GPC3: variants seen among roughly 807,000 people sequenced by gnomAD.
GPC3 encodes the protein glypican 3.
GPC3 carries 3 observed loss-of-function variants against 34.4 expected under a neutral mutation model. That is an observed-to-expected ratio of 0.09 (90% CI 0.04 to 0.23). GPC3 has a LOEUF of 0.23. Among genes scored for constraint, GPC3 ranks in the 10% least tolerant of loss-of-function variants. The pLI is 1.00. For missense variants in GPC3, 351 were observed against 445.6 expected (o/e 0.79, Z 1.91); for synonymous variants, 177 against 174.0 (o/e 1.02, Z -0.13).
At chrX:133,932,317 C>G (rs1268794230) in intron 2 of GPC3, among the ~76,000 whole-genome samples, 1 of 112,190 alleles carries the variant, frequency 8.9e-6, no homozygotes, top group Non-Finnish European at 1.9e-5. Context: ...GTTTATTATA[C>G]TCAGTTGAAA....
At position 133,951,202 on chromosome X, in the gene GPC3, G is replaced by C. The variant is rs111627227; in HGVS notation, c.337+1848C>G. On this transcript the variant is annotated intron_variant, in intron 2 of 7. Transcript: ENST00000370818. ...ACTAGTATTCAGCCTCCAAGCTATA[G>C]CAGGCTTATCTGGAAGCTAATCCAA... Among the ~76,000 whole-genome samples the C allele has an allele frequency of 3.2e-3, 356 of 109,750 alleles. 2 individuals carry two copies. Among genetic ancestry groups the C allele is most frequent in the South Asian group, 0.015 (37 of 2,494 alleles).
chrX:133,901,690 C>T (rs1048372221), intron 2 of GPC3, among the ~76,000 whole-genome samples: 1 of 111,580 alleles, frequency 9.0e-6, no homozygotes, highest in Non-Finnish European at 1.9e-5. Flanking sequence ...CTGCCCGCCT[C>T]GGCCTCCCAA....
At chrX:133,572,063 A>G (rs925946699) in intron 7 of GPC3, among the ~76,000 whole-genome samples, 1 of 111,961 alleles carries the variant, frequency 8.9e-6, no homozygotes, top group African/African-American at 3.2e-5. Flanking sequence ...TGCACATGGA[A>G]CATTCCCCAA....
intron 2 of GPC3, among the ~76,000 whole-genome samples, chrX:133,951,955 G>A (rs1413345093): frequency 9.0e-6 from 1 of 111,325 alleles, no homozygotes; most frequent in Admixed American, 9.6e-5. Context: ...GCTTTGCAAT[G>A]TCAAGCAGTC....
intron 2 of GPC3, among the ~76,000 whole-genome samples, chrX:133,791,858 T>A (rs1171372654): frequency 6.1e-5 from 6 of 98,616 alleles, no homozygotes; most frequent in African/African-American, 2.3e-4. Flanking sequence ...CCTCCCTCCC[T>A]CCCTCTCTCT....
At chrX:133,850,209 TTTTTG>T in intron 2 of GPC3, among the ~76,000 whole-genome samples, 2 of 103,856 alleles carry the variant, frequency 1.9e-5, no homozygotes, top group African/African-American at 7.2e-5. Flanking sequence ...TTTTTTTTTT[TTTTTG>T]GTAAATAAAG....
At chrX:133,888,801 T>C (rs1366443846) in intron 2 of GPC3, among the ~76,000 whole-genome samples, 1 of 112,485 alleles carries the variant, frequency 8.9e-6, no homozygotes, top group Non-Finnish European at 1.9e-5. Context: ...GAACTATACA[T>C]GTTCATGTTG....
chrX:133,733,406 T>C (rs2071480739), intron 3 of GPC3, among the ~76,000 whole-genome samples: 3 of 111,148 alleles, frequency 2.7e-5, no homozygotes, highest in Admixed American at 1.9e-4. Flanking sequence ...ATTTCATCCA[T>C]GTAACAAAAA....
At chrX:133,914,809 T>C (rs1402854348) in intron 2 of GPC3, among the ~76,000 whole-genome samples, 2 of 105,602 alleles carry the variant, frequency 1.9e-5, no homozygotes, top group African/African-American at 3.5e-5. Context: ...GCAAAAGATA[T>C]ATATCACTAT....
intron 2 of GPC3, among the ~76,000 whole-genome samples, chrX:133,922,118 G>C (rs1367218728): frequency 8.9e-6 from 1 of 112,566 alleles, no homozygotes; most frequent in Non-Finnish European, 1.9e-5. Flanking sequence ...GCCAGGAAAA[G>C]GGAAGTCTGG....
At chrX:133,536,558 G>T (rs897688223) in intron 7 of GPC3, among the ~76,000 whole-genome samples, 1 of 110,121 alleles carries the variant, frequency 9.1e-6, no homozygotes, top group East Asian at 2.9e-4. Flanking sequence ...CGAACAGGCT[G>T]CACCCCACTC....
chrX:133,616,008 A>T lies in GPC3; in HGVS notation c.1414-19409T>A, dbSNP rs139229219. ...CTTTAAGATGAGAAAAAAGAAAACT[A>T]TGTCTGTTCTTACCACTTTTATTTG... is the stretch of plus-strand genomic sequence containing the variant. On this transcript the variant is annotated intron_variant, in intron 6 of 7. Transcript: ENST00000370818. 3.6e-3 allele frequency among the ~76,000 whole-genome samples: 395 copies of T among 111,085 alleles called. 2 individuals are homozygous for T. The highest frequency in any genetic ancestry group is 9.3e-3 in the Middle Eastern group (2 of 215).
intron 3 of GPC3, among the ~76,000 whole-genome samples, chrX:133,751,511 G>T (rs1190619381): frequency 8.9e-6 from 1 of 112,257 alleles, no homozygotes; most frequent in African/African-American, 3.2e-5. Context: ...TGTTTTAAAT[G>T]ACTAACATTG....
At chrX:133,561,202 T>G (rs933599851) in intron 7 of GPC3, among the ~76,000 whole-genome samples, 1 of 112,333 alleles carries the variant, frequency 8.9e-6, no homozygotes, top group Non-Finnish European at 1.9e-5. Context: ...ATCCAAAAGA[T>G]TGGTAAACAG....
intron 6 of GPC3, among the ~76,000 whole-genome samples, chrX:133,654,718 C>CA (rs1270012125): frequency 1.9e-5 from 2 of 107,756 alleles, no homozygotes; most frequent in African/African-American, 7.0e-5. Flanking sequence ...TCTCAAAAAA[C>CA]AAAAAACAAA....
In GPC3 at chrX:133,699,878, A is replaced by G; in HGVS notation, c.1166+17T>C. 8.4e-7 allele frequency: 1 copy of G among 1,194,780 alleles called. No individual in the cohort carries two copies. The highest frequency in any genetic ancestry group is 1.8e-5 in the South Asian group (1 of 54,937). On this transcript the variant is annotated intron_variant, in intron 4 of 7. Transcript: ENST00000370818. Reference sequence around the variant, plus strand: ...TGTTAATTGTATTGTGGAATAAAGAAAAAAGAAACCTCTCACCTTCTTCGG... The same window carrying G: ...TGTTAATTGTATTGTGGAATAAAGAGAAAAGAAACCTCTCACCTTCTTCGG...
At chrX:133,851,575 A>G (rs186165732) in intron 2 of GPC3, among the ~76,000 whole-genome samples, 3 of 111,503 alleles carry the variant, frequency 2.7e-5, no homozygotes, top group African/African-American at 9.8e-5. Flanking sequence ...ATTATTTCCC[A>G]TTATTGCCCT....
chrX:133,748,432 G>A (rs1360081748), intron 3 of GPC3, among the ~76,000 whole-genome samples: 1 of 111,511 alleles, frequency 9.0e-6, no homozygotes, highest in East Asian at 2.8e-4. Flanking sequence ...ATTCTCACTT[G>A]GGGCCAAGAT....
intron 3 of GPC3, among the ~76,000 whole-genome samples, chrX:133,719,449 T>C (rs911636980): frequency 1.3e-4 from 14 of 111,388 alleles, no homozygotes; most frequent in African/African-American, 3.9e-4. Context: ...TAGAAATTTA[T>C]GGCTGTATTT....
Sources: allele counts gnomAD v4.1 joint callset (sites outside exome capture counted in the v4.1 genomes callset), GRCh38; gene constraint gnomAD v4.1.1; transcripts MANE v1.5; gene names NCBI Gene and HGNC (gene_info 2026-07-23, HGNC 2026-07-21).